DHX9: variants seen among roughly 807,000 people sequenced by gnomAD.
DHX9 encodes DExH-box helicase 9, also known as ATP-dependent RNA helicase A.
In DHX9, 27 loss-of-function variants were observed where a neutral mutation model predicts 148.7. The ratio of observed to expected loss-of-function variants is 0.18; its 90% CI spans 0.13 to 0.25. The LOEUF (loss-of-function observed/expected upper bound fraction) is 0.25, where lower values mean the gene tolerates loss of function less well. Ranked by LOEUF, DHX9 falls within the 10% of genes least tolerant of loss-of-function variation. The pLI is 1.00. For synonymous variants in DHX9, 529 were observed against 516.6 expected, an observed-to-expected ratio of 1.02 and a Z score of -0.33; for missense variants, 796 against 1,559.6, an observed-to-expected ratio of 0.51 and a Z score of 8.25.
At chr1:182,850,524 G>T (rs1485058177) in intron 3 of DHX9, among the ~76,000 whole-genome samples, 2 of 151,808 alleles carry the variant, frequency 1.3e-5, no homozygotes, top group East Asian at 3.9e-4. Context: ...GAGCCCAACA[G>T]GTTGGGGCTG....
intron 6 of DHX9, among the ~76,000 whole-genome samples, chr1:182,856,094 AATAG>A (rs1326206483): frequency 6.6e-6 from 1 of 152,252 alleles, no homozygotes; most frequent in Non-Finnish European, 1.5e-5. Flanking sequence ...ATATTAGCTT[AATAG>A]ATCGCAGTCA....
At position 182,847,698 on chromosome 1, in the gene DHX9, T is replaced by C. The variant is rs147757926; in HGVS notation, c.252+4264T>C. On this transcript the variant is annotated intron_variant, in intron 3 of 27. Coordinates refer to ENST00000367549, the MANE Select transcript of DHX9 (RefSeq NM_001357.5). The stretch of plus-strand genomic sequence containing the variant: ...TCTTCAGGCCAAAAAGATGGTTTCA[T>C]TGGAGGTTTAGCTGCCTGGGATGGC... Among the ~76,000 whole-genome samples, 227 of 152,324 alleles carry C rather than the reference T, an allele frequency of 1.5e-3. 2 individuals are homozygous for C. Among genetic ancestry groups the C allele is most frequent in the African/African-American group, 5.2e-3 (218 of 41,570 alleles).
intron 1 of DHX9, among the ~76,000 whole-genome samples, chr1:182,841,427 A>C (rs1455064201): frequency 6.6e-6 from 1 of 152,230 alleles, no homozygotes; most frequent in Non-Finnish European, 1.5e-5. Context: ...TTCGTATTTC[A>C]TATTACTCAT....
intron 12 of DHX9, among the ~76,000 whole-genome samples, chr1:182,865,502 C>T (rs114010127): frequency 0.018 from 2,697 of 152,212 alleles, 70 homozygotes; most frequent in African/African-American, 0.056. Flanking sequence ...TTATCCATTG[C>T]TAAATAAGAT....
Position 182,858,212 on chromosome 1 carries a change from G to A in DHX9, c.782G>A (p.Gly261Glu). Residue 261 changes from glycine (G) to glutamate (E), a missense_variant, in exon 8 of 28, where the codon GGA (glycine) becomes GAA (glutamate). Coordinates refer to ENST00000367549, the MANE Select transcript of DHX9 (RefSeq NM_001357.5). ...YHLGVVEAYS[G>E]LTKKKEGETV... Reference sequence around the variant, plus strand: ...CTTGGAGTGGTTGAAGCTTACTCCGGACTTACAAAGAAGAAGGAAGGAGAG... The same window carrying A: ...CTTGGAGTGGTTGAAGCTTACTCCGAACTTACAAAGAAGAAGGAAGGAGAG... 1 of 1,614,058 alleles carries A rather than the reference G, an allele frequency of 6.2e-7. No individual in the cohort carries two copies. The highest frequency in any genetic ancestry group is 8.5e-7 in the Non-Finnish European group (1 of 1,179,976).
At chr1:182,876,003 A>G (rs762722103) in intron 16 of DHX9, 47 bp from the exon 17 acceptor site, 14 of 1,483,290 alleles carry the variant, frequency 9.4e-6, no homozygotes, top group African/African-American at 1.4e-5. Flanking sequence ...GACTTACCTC[A>G]TGAGTAACTG....
chr1:182,854,077 C>T lies in DHX9; in HGVS notation c.525C>T (p.Asn175=). Residue 175 remains asparagine, a synonymous_variant, in exon 6 of 28, where the codon AAC becomes AAT. Coordinates refer to ENST00000367549, the MANE Select transcript of DHX9 (RefSeq NM_001357.5). The part of the protein sequence containing the change: ...EVDLNAGLHG[N]WTLENAKARL... ...ATTTAAATGCTGGGCTTCATGGAAA[C>T]TGGACCTTGGAAAATGCTAAAGCTC... The T allele has an allele frequency of 6.2e-7, 1 of 1,613,158 alleles. No homozygotes were observed. Among genetic ancestry groups the T allele is most frequent in the Non-Finnish European group, 8.5e-7 (1 of 1,179,892 alleles).
intron 11 of DHX9, among the ~76,000 whole-genome samples, chr1:182,859,585 G>A (rs1488767854): frequency 6.6e-6 from 1 of 152,062 alleles, no homozygotes; most frequent in Non-Finnish European, 1.5e-5. Context: ...AAATGAGTAA[G>A]TTTTTATAGA....
chr1:182,850,302 CA>C (rs1018105065), intron 3 of DHX9, among the ~76,000 whole-genome samples: 1 of 151,456 alleles, frequency 6.6e-6, no homozygotes, highest in Non-Finnish European at 1.5e-5. Flanking sequence ...GACCCTGTCT[CA>C]AAAAAAAGAA....
intron 3 of DHX9, among the ~76,000 whole-genome samples, 184 bp downstream of exon 3, chr1:182,843,618 A>G (rs533374804): frequency 9.9e-5 from 15 of 152,090 alleles, no homozygotes; most frequent in African/African-American, 3.4e-4. Flanking sequence ...TTGCATCCTT[A>G]TTATATACCT....
intron 12 of DHX9, among the ~76,000 whole-genome samples, chr1:182,862,050 AT>A (rs1557971381): frequency 6.6e-6 from 1 of 150,796 alleles, no homozygotes; most frequent in Non-Finnish European, 1.5e-5. Context: ...GTTTTTTATT[AT>A]TTTTGTTTTT....
chr1:182,860,972 C>T (rs572012509), intron 12 of DHX9, among the ~76,000 whole-genome samples: 3 of 152,262 alleles, frequency 2.0e-5, no homozygotes, highest in Non-Finnish European at 4.4e-5. Context: ...ATTTTTTCCC[C>T]GATGGGTTAA....
At chr1:182,839,915 G>C (rs1160933257) in intron 1 of DHX9, 3 of 152,312 alleles carry the variant, frequency 2.0e-5, no homozygotes, top group Non-Finnish European at 2.9e-5. Flanking sequence ...AAGGGAGAGC[G>C]CCTTTGGCTA....
At chr1:182,852,881 G>T (rs1400235451) in intron 4 of DHX9, among the ~76,000 whole-genome samples, 1 of 144,492 alleles carries the variant, frequency 6.9e-6, no homozygotes, top group Non-Finnish European at 1.5e-5. Flanking sequence ...GGGTCATATT[G>T]CTTAAGTCTC....
intron 21 of DHX9, among the ~76,000 whole-genome samples, chr1:182,879,817 C>T (rs1649008007): frequency 6.6e-6 from 1 of 152,074 alleles, no homozygotes; most frequent in Non-Finnish European, 1.5e-5. Context: ...CCCCCACCTC[C>T]CAGGTTCAAG....
chr1:182,844,135 A>T (rs1043558315), intron 3 of DHX9, among the ~76,000 whole-genome samples: 3 of 152,068 alleles, frequency 2.0e-5, no homozygotes, highest in African/African-American at 7.2e-5. Flanking sequence ...TTTAGTAGAG[A>T]TAGGGTTTCA....
chr1:182,878,004 C>T lies in DHX9; in HGVS notation c.2199-17C>T. The stretch of plus-strand genomic sequence containing the variant: ...AATACACATGAGTCTTAGAATTAAC[C>T]ACTTTTTCCTATGTAGGCAGAAAGT... On this transcript the variant is annotated splice_polypyrimidine_tract_variant and intron_variant, in intron 19 of 27. Transcript: ENST00000367549. 1 of 1,613,670 alleles carries T rather than the reference C, an allele frequency of 6.2e-7. No individual in the cohort carries two copies. Among genetic ancestry groups the T allele is most frequent in the Admixed American group, 1.7e-5 (1 of 59,970 alleles).
chr1:182,875,114 AAAATTCCAGGTTCAGTGAC>A, intron 16 of DHX9, 160 bp downstream of exon 16: 1 of 681,586 alleles, frequency 1.5e-6, no homozygotes, highest in South Asian at 1.5e-5. Flanking sequence ...TTACTGCAAA[AAAATTCCAGGTTCAGTGAC>A]AAGCTGTTTT....
intron 15 of DHX9, 93 bp downstream of exon 15, chr1:182,872,586 C>A: frequency 7.5e-7 from 1 of 1,340,816 alleles, no homozygotes; most frequent in Non-Finnish European, 1.0e-6. Flanking sequence ...TTAAAGAATA[C>A]TTAAAATACA....
Sources: gnomAD v4.1 joint callset for allele counts (sites outside exome capture counted in the v4.1 genomes callset) on GRCh38, gnomAD v4.1.1 for gene constraint, MANE v1.5 for transcripts, NCBI Gene and HGNC (gene_info 2026-07-23, HGNC 2026-07-21) for gene names.